The following FHIT variants were observed in gnomAD, a reference collection of about 807,000 sequenced individuals.
The protein encoded by FHIT is bis(5'-adenosyl)-triphosphatase.
Under a neutral mutation model 17.9 loss-of-function variants are expected in FHIT, and 19 were observed. The ratio of observed to expected loss-of-function variants is 1.06; its 90% CI spans 0.74 to 1.56. FHIT has a LOEUF of 1.56. Among genes scored for constraint, FHIT ranks in the 40% most tolerant of loss-of-function variants. FHIT has a pLI of 0.00. For synonymous variants in FHIT, 81 were observed against 69.7 expected (o/e 1.16, Z -0.81); for missense variants, 248 against 189.2 (o/e 1.31, Z -1.82).
chr3:60,878,928 T>C (rs529144751), intron 3 of FHIT, among the ~76,000 whole-genome samples: 1 of 152,332 alleles, frequency 6.6e-6, no homozygotes, highest in East Asian at 1.9e-4. Flanking sequence ...TTTGATATTG[T>C]GAATAGTGCC....
intron 4 of FHIT, among the ~76,000 whole-genome samples, chr3:60,688,476 A>G (rs1735453): frequency 0.92 from 139,262 of 150,788 alleles, 64,356 homozygotes; most frequent in Non-Finnish European, 0.94. Flanking sequence ...TTACTGCCCC[A>G]GCTGGAATGC....
chr3:60,443,152 A>G (rs1207977982), intron 5 of FHIT, among the ~76,000 whole-genome samples: 52 of 152,210 alleles, frequency 3.4e-4, no homozygotes, highest in Admixed American at 3.3e-3. Context: ...GAAGTTGCCT[A>G]TCAGCTTAAG....
intron 7 of FHIT, among the ~76,000 whole-genome samples, chr3:59,955,120 C>G (rs1392512752): frequency 1.3e-5 from 2 of 152,162 alleles, no homozygotes; most frequent in African/African-American, 4.8e-5. Context: ...CAGTAGCTAT[C>G]GTACAGCGTA....
intron 5 of FHIT, among the ~76,000 whole-genome samples, chr3:60,398,561 T>C (rs1403924551): frequency 6.6e-6 from 1 of 152,158 alleles, no homozygotes; most frequent in African/African-American, 2.4e-5. Flanking sequence ...ACACCCACCC[T>C]CCACAATCAG....
In FHIT at chr3:60,134,260, C is replaced by CA. The variant is rs567076858; in HGVS notation, c.104-120109dup. Among the ~76,000 whole-genome samples, 52 of 152,186 alleles carry CA rather than the reference C, an allele frequency of 3.4e-4. 1 individual carries two copies. In the South Asian group the frequency reaches 1.0e-2, roughly 29 times the overall value. ...ACTTCCAGTATTTGCAAAACAGGTT[C>CA]AAAAATAAAATTGCAACATTTTATG... On this transcript the variant is annotated intron_variant, in intron 5 of 9. Transcript: ENST00000492590.
At chr3:59,898,970 G>A (rs963102188) in intron 8 of FHIT, among the ~76,000 whole-genome samples, 1 of 152,160 alleles carries the variant, frequency 6.6e-6, no homozygotes, top group Non-Finnish European at 1.5e-5. Flanking sequence ...ATAGTGAGAT[G>A]CTAAGGGGCA....
At chr3:59,998,019 T>C (rs1402761987) in intron 7 of FHIT, among the ~76,000 whole-genome samples, 1 of 152,144 alleles carries the variant, frequency 6.6e-6, no homozygotes, top group Non-Finnish European at 1.5e-5. Flanking sequence ...TAGCAGTAAT[T>C]TATCATTTCT....
intron 2 of FHIT, among the ~76,000 whole-genome samples, chr3:61,133,599 T>G (rs2036825833): frequency 1.3e-5 from 2 of 152,176 alleles, no homozygotes; most frequent in Admixed American, 1.3e-4. Flanking sequence ...TTAGGAATCA[T>G]CTATGTAGTG....
intron 5 of FHIT, among the ~76,000 whole-genome samples, chr3:60,105,188 G>T (rs1405793345): frequency 1.3e-5 from 2 of 152,050 alleles, no homozygotes; most frequent in East Asian, 3.9e-4. Context: ...ACTTAACAAG[G>T]ACTTTGTTTC....
In FHIT at chr3:60,472,392, G is replaced by A. The variant is rs888869855; in HGVS notation, c.103+64468C>T. Among the ~76,000 whole-genome samples, 11 of 138,114 alleles carry A rather than the reference G, an allele frequency of 8.0e-5. 1 individual carries two copies. Among genetic ancestry groups the A allele is most frequent in the South Asian group, 2.3e-4 (1 of 4,384 alleles). 90.6% of individuals were successfully genotyped at this position (138,114 alleles called of 152,430 possible). On this transcript the variant is annotated intron_variant, in intron 5 of 9. Transcript: ENST00000492590. ...GTATTTTTTTTTTTTTTTTTGAGACGAAGTCTTGCTTTGTTGCCCAGGCTG... is the reference window on the plus strand; with the variant it reads ...GTATTTTTTTTTTTTTTTTTGAGACAAAGTCTTGCTTTGTTGCCCAGGCTG...
intron 8 of FHIT, among the ~76,000 whole-genome samples, chr3:59,917,934 C>T (rs1291414381): frequency 6.6e-6 from 1 of 152,236 alleles, no homozygotes; most frequent in Non-Finnish European, 1.5e-5. Flanking sequence ...CGACATGTGC[C>T]TATCAGACTT....
chr3:61,219,169 T>G (rs1177845206), intron 1 of FHIT, among the ~76,000 whole-genome samples: 3 of 152,146 alleles, frequency 2.0e-5, no homozygotes, highest in Non-Finnish European at 4.4e-5. Context: ...ATAAAAGGTA[T>G]GGTAAAAATA....
intron 5 of FHIT, among the ~76,000 whole-genome samples, chr3:60,290,493 A>G (rs1392236367): frequency 2.0e-5 from 3 of 152,000 alleles, no homozygotes; most frequent in African/African-American, 7.2e-5. Flanking sequence ...ACAGTCAACA[A>G]CCCTAGAAGA....
chr3:60,134,193 A>G (rs190503602), intron 5 of FHIT, among the ~76,000 whole-genome samples: 35 of 152,278 alleles, frequency 2.3e-4, no homozygotes, highest in Admixed American at 7.8e-4. Flanking sequence ...GTAATTGCCT[A>G]ATGGAGTTGG....
chr3:61,248,183 T>C (rs2040530497), intron 1 of FHIT, among the ~76,000 whole-genome samples: 1 of 152,150 alleles, frequency 6.6e-6, no homozygotes, highest in African/African-American at 2.4e-5. Flanking sequence ...AGTAAACAGA[T>C]TCAATGAAGA....
intron 5 of FHIT, among the ~76,000 whole-genome samples, chr3:60,052,769 T>C (rs1251707418): frequency 1.3e-5 from 2 of 148,208 alleles, no homozygotes; most frequent in Admixed American, 1.4e-4. Context: ...TGTATATAAA[T>C]ATATATTATA....
At chr3:61,060,758 C>G (rs145036241) in intron 2 of FHIT, among the ~76,000 whole-genome samples, 1 of 152,216 alleles carries the variant, frequency 6.6e-6, no homozygotes, top group East Asian at 1.9e-4. Flanking sequence ...CAGATGTATG[C>G]GGACAGATTA....
chr3:60,300,750 T>C (rs1375897149), intron 5 of FHIT, among the ~76,000 whole-genome samples: 1 of 152,108 alleles, frequency 6.6e-6, no homozygotes, highest in Non-Finnish European at 1.5e-5. Flanking sequence ...CAGCAACTAT[T>C]GATCCATGTG....
intron 8 of FHIT, among the ~76,000 whole-genome samples, chr3:59,829,749 T>C (rs1198440869): frequency 6.6e-6 from 1 of 152,136 alleles, no homozygotes; most frequent in East Asian, 1.9e-4. Flanking sequence ...TCTCCAGCTC[T>C]CTCTTATTCT....
Sources: gnomAD v4.1 joint callset for allele counts (sites outside exome capture counted in the v4.1 genomes callset) on GRCh38, gnomAD v4.1.1 for gene constraint, MANE v1.5 for transcripts, NCBI Gene and HGNC (gene_info 2026-07-23, HGNC 2026-07-21) for gene names.